Variants in XRCC4 observed in about 807,000 individuals in gnomAD.
XRCC4 encodes DNA repair protein XRCC4.
A neutral mutation model predicts 39.1 loss-of-function variants in XRCC4; 28 were observed. That is an observed-to-expected ratio of 0.72 (90% confidence interval 0.53 to 0.98). XRCC4 has a LOEUF of 0.98. XRCC4 is among the 50% of genes least tolerant of loss of function. The pLI is 0.00. For missense variants in XRCC4, 350 were observed against 376.4 expected (o/e 0.93, Z 0.58); for synonymous variants, 123 against 126.4 (o/e 0.97, Z 0.18).
At chr5:83,084,072 C>T (rs1436862134) in intron 1 of XRCC4, among the ~76,000 whole-genome samples, 2 of 152,200 alleles carry the variant, frequency 1.3e-5, no homozygotes, top group Admixed American at 6.5e-5. Flanking sequence ...AATCCTGGTA[C>T]ATAGGAAGTA....
At chr5:83,284,331 C>T (rs1754663841) in intron 7 of XRCC4, among the ~76,000 whole-genome samples, 1 of 151,914 alleles carries the variant, frequency 6.6e-6, no homozygotes, top group African/African-American at 2.4e-5. Flanking sequence ...ATTTTTTTAA[C>T]CATTTTCTCT....
chr5:83,170,963 C>G (rs1749695507), intron 3 of XRCC4, among the ~76,000 whole-genome samples: 1 of 152,110 alleles, frequency 6.6e-6, no homozygotes, highest in Non-Finnish European at 1.5e-5. Flanking sequence ...TTAAATGTGT[C>G]TGTATTCTTT....
intron 7 of XRCC4, among the ~76,000 whole-genome samples, chr5:83,303,212 C>T (rs1367692059): frequency 1.6e-5 from 1 of 62,872 alleles, no homozygotes; most frequent in Admixed American, 1.7e-4. Flanking sequence ...GACTCCGTCT[C>T]AAAAAAAAAA....
At chr5:83,344,312 C>T (rs965075740) in intron 7 of XRCC4, among the ~76,000 whole-genome samples, 5 of 151,904 alleles carry the variant, frequency 3.3e-5, no homozygotes, top group Non-Finnish European at 5.9e-5. Flanking sequence ...TCATAGTTCA[C>T]TGCATCCTCA....
At chr5:83,082,093 C>G (rs1402293612) in intron 1 of XRCC4, among the ~76,000 whole-genome samples, 2 of 152,136 alleles carry the variant, frequency 1.3e-5, no homozygotes, top group Non-Finnish European at 2.9e-5. Context: ...TATTAGTATA[C>G]TGATCATCTC....
intron 3 of XRCC4, among the ~76,000 whole-genome samples, chr5:83,121,054 C>T (rs901573227): frequency 6.6e-6 from 1 of 152,070 alleles, no homozygotes; most frequent in Non-Finnish European, 1.5e-5. Context: ...CTTCTTTTTT[C>T]GGTCTGGTTT....
chr5:83,276,730 G>A (rs1041941100), intron 7 of XRCC4, among the ~76,000 whole-genome samples: 1 of 152,024 alleles, frequency 6.6e-6, no homozygotes, highest in Non-Finnish European at 1.5e-5. Context: ...TAGTGTCTTT[G>A]TGTGTTTTCT....
intron 7 of XRCC4, among the ~76,000 whole-genome samples, chr5:83,316,687 A>G (rs1452389710): frequency 1.2e-4 from 15 of 122,136 alleles, no homozygotes; most frequent in Non-Finnish European, 3.4e-5. Context: ...ATACAGGAGC[A>G]CCCAGATTCA....
chr5:83,132,993 G>T (rs1488652098), intron 3 of XRCC4, among the ~76,000 whole-genome samples: 2 of 152,140 alleles, frequency 1.3e-5, no homozygotes, highest in East Asian at 3.9e-4. Flanking sequence ...CAGCTTTTCT[G>T]CTCTGGTTTT....
chr5:83,193,329 T>C (rs1750795449), intron 3 of XRCC4, among the ~76,000 whole-genome samples: 1 of 152,210 alleles, frequency 6.6e-6, no homozygotes. Context: ...TGATTAAATT[T>C]ATAGATACTT....
At chr5:83,269,120 C>A (rs1165293371) in intron 7 of XRCC4, among the ~76,000 whole-genome samples, 8 of 152,056 alleles carry the variant, frequency 5.3e-5, no homozygotes, top group Admixed American at 5.2e-4. Flanking sequence ...TTTTTGGAGT[C>A]TTCCATCTAA....
intron 3 of XRCC4, among the ~76,000 whole-genome samples, chr5:83,156,051 GA>G (rs1411150194): frequency 6.6e-6 from 1 of 151,954 alleles, no homozygotes; most frequent in Non-Finnish European, 1.5e-5. Flanking sequence ...TACATTCAAA[GA>G]GTTTTCTTTG....
intron 7 of XRCC4, among the ~76,000 whole-genome samples, chr5:83,275,301 T>G (rs1754286902): frequency 6.6e-6 from 1 of 151,456 alleles, no homozygotes; most frequent in Non-Finnish European, 1.5e-5. Flanking sequence ...GTTAGGTTTT[T>G]TTTTTTTTTT....
At chr5:83,327,151 G>A (rs1253119532) in intron 7 of XRCC4, among the ~76,000 whole-genome samples, 1 of 151,978 alleles carries the variant, frequency 6.6e-6, no homozygotes, top group Non-Finnish European at 1.5e-5. Flanking sequence ...TAGTCAGGCT[G>A]GGAACATTTC....
intron 7 of XRCC4, among the ~76,000 whole-genome samples, chr5:83,287,334 A>G (rs1039449450): frequency 2.6e-5 from 4 of 152,106 alleles, no homozygotes; most frequent in Admixed American, 2.6e-4. Flanking sequence ...TTTACAAACA[A>G]TCTAAAACCC....
chr5:83,304,233 G>A (rs1428506961), intron 7 of XRCC4, among the ~76,000 whole-genome samples: 1 of 144,638 alleles, frequency 6.9e-6, no homozygotes, highest in Non-Finnish European at 1.5e-5. Context: ...AGGCTGGAGT[G>A]CAGTGGTGCA....
intron 2 of XRCC4, 97 bp from the exon 3 acceptor site, chr5:83,110,931 T>C: frequency 1.7e-6 from 2 of 1,152,324 alleles, no homozygotes; most frequent in African/African-American, 3.2e-5. Context: ...TGAATTTCTG[T>C]TACATGTGAT....
intron 6 of XRCC4, among the ~76,000 whole-genome samples, chr5:83,206,543 A>G (rs1036380753): frequency 6.6e-6 from 1 of 152,154 alleles, no homozygotes; most frequent in Non-Finnish European, 1.5e-5. Flanking sequence ...AGGAGTTTCA[A>G]AGGGAATGGG....
chr5:83,105,127 T>G lies in XRCC4; in HGVS notation c.139+69T>G. On this transcript the variant is annotated intron_variant, in intron 2 of 7. Transcript: ENST00000396027. ...CTATTCTTCAGTCCTCAGGGATACT[T>G]TTCCATTAGATATTGGGTAAAACTG... 2.1e-6 allele frequency: 3 copies of G among 1,448,768 alleles called. No homozygotes were observed. In the Admixed American group the frequency reaches 6.9e-5, roughly 33 times the overall value. 89.7% of individuals were successfully genotyped at this position (1,448,768 alleles called of 1,614,324 possible).
Sources: gnomAD v4.1 joint callset for allele counts (sites outside exome capture counted in the v4.1 genomes callset) on GRCh38, gnomAD v4.1.1 for gene constraint, MANE v1.5 for transcripts, NCBI Gene and HGNC (gene_info 2026-07-23, HGNC 2026-07-21) for gene names.